The following STX18 variants were observed in gnomAD, a reference collection of about 807,000 sequenced individuals.
The protein encoded by STX18 is syntaxin 18, also known as syntaxin-18.
Under a neutral mutation model 50.1 loss-of-function variants are expected in STX18, and 40 were observed. The ratio of observed to expected loss-of-function variants is 0.80; its 90% CI spans 0.62 to 1.04. The LOEUF (loss-of-function observed/expected upper bound fraction) is 1.04, where lower values mean the gene tolerates loss of function less well. STX18 is among the 50% of genes least tolerant of loss of function. The pLI, the probability that STX18 is intolerant of heterozygous loss-of-function variation, is 0.00. For missense variants in STX18, 410 were observed against 415.8 expected (o/e 0.99, Z 0.12); for synonymous variants, 158 against 151.8 (o/e 1.04, Z -0.30).
At chr4:4,510,379 T>C (rs1729940483) in intron 1 of STX18, among the ~76,000 whole-genome samples, 1 of 152,206 alleles carries the variant, frequency 6.6e-6, no homozygotes, top group African/African-American at 2.4e-5. Context: ...TTAATCTAGG[T>C]GATTAACTGC....
intron 5 of STX18, among the ~76,000 whole-genome samples, chr4:4,448,147 C>A (rs1726531285): frequency 6.6e-6 from 1 of 152,138 alleles, no homozygotes; most frequent in Non-Finnish European, 1.5e-5. Context: ...TGACCTGATG[C>A]CCTCCCACGC....
At chr4:4,529,166 A>G (rs1028323002) in intron 1 of STX18, among the ~76,000 whole-genome samples, 1 of 152,136 alleles carries the variant, frequency 6.6e-6, no homozygotes, top group Non-Finnish European at 1.5e-5. Context: ...GATCGAGACT[A>G]TCCTGGCTAA....
chr4:4,437,746 T>C, intron 6 of STX18: 1 of 424,998 alleles, frequency 2.4e-6, no homozygotes, highest in Non-Finnish European at 3.1e-6. Flanking sequence ...TGCTCCACTC[T>C]GCCTTTGAGA....
intron 1 of STX18, among the ~76,000 whole-genome samples, chr4:4,504,940 C>A (rs1729630043): frequency 6.6e-6 from 1 of 152,118 alleles, no homozygotes; most frequent in Non-Finnish European, 1.5e-5. Flanking sequence ...ATTCACATAG[C>A]AAACAATTCA....
At chr4:4,441,342 A>G (rs191837321) in intron 5 of STX18, among the ~76,000 whole-genome samples, 1 of 152,334 alleles carries the variant, frequency 6.6e-6, no homozygotes, top group East Asian at 1.9e-4. Flanking sequence ...TTCTTTGGAA[A>G]ATATAATCTG....
At chr4:4,483,584 G>A (rs1728559005) in intron 1 of STX18, among the ~76,000 whole-genome samples, 1 of 152,054 alleles carries the variant, frequency 6.6e-6, no homozygotes, top group South Asian at 2.1e-4. Flanking sequence ...TCCACTCCCG[G>A]TTTACCTGAC....
intron 1 of STX18, among the ~76,000 whole-genome samples, chr4:4,504,371 A>AATTCATTC (rs1172034822): frequency 6.6e-6 from 1 of 152,276 alleles, no homozygotes; most frequent in East Asian, 1.9e-4. Flanking sequence ...AAAAACAGGG[A>AATTCATTC]ATTCATTCAT....
At chr4:4,516,277 A>G (rs1441310940) in intron 1 of STX18, among the ~76,000 whole-genome samples, 1 of 152,182 alleles carries the variant, frequency 6.6e-6, no homozygotes, top group African/African-American at 2.4e-5. Context: ...ATGTACTTTC[A>G]TCTGTTAAAT....
intron 1 of STX18, among the ~76,000 whole-genome samples, chr4:4,540,710 A>G (rs1731546315): frequency 6.6e-6 from 1 of 152,210 alleles, no homozygotes; most frequent in African/African-American, 2.4e-5. Context: ...GGTGCTTCAT[A>G]GACGGTCATC....
intron 7 of STX18, chr4:4,425,975 C>A (rs1725224749): frequency 6.6e-6 from 1 of 152,338 alleles, no homozygotes; most frequent in Non-Finnish European, 1.5e-5. Context: ...TCACTGCAGG[C>A]CCCCACAGCC....
intron 2 of STX18, among the ~76,000 whole-genome samples, chr4:4,463,912 T>A (rs1048417821): frequency 2.0e-5 from 3 of 152,326 alleles, no homozygotes; most frequent in East Asian, 1.9e-4. Flanking sequence ...TGCCTATGGA[T>A]GTTAAGTGCA....
intron 5 of STX18, among the ~76,000 whole-genome samples, chr4:4,445,423 AC>A (rs1271978040): frequency 1.3e-5 from 2 of 152,202 alleles, no homozygotes; most frequent in East Asian, 1.9e-4. Flanking sequence ...AACAACAAAA[AC>A]AAAAAACAAA....
chr4:4,438,807 C>T (rs1014656087), intron 5 of STX18, among the ~76,000 whole-genome samples: 1 of 151,962 alleles, frequency 6.6e-6, no homozygotes, highest in Non-Finnish European at 1.5e-5. Flanking sequence ...CATAGACTGA[C>T]ACACCGCACT....
rs189964686 is a variant in STX18, at chr4:4,518,113, G to A, written c.168+23684C>T. On this transcript the variant is annotated intron_variant, in intron 1 of 10. Coordinates refer to ENST00000306200, the MANE Select transcript of STX18 (RefSeq NM_016930.4). ...AAAATGTTGCAAATATAATGATCTC[G>A]CATGTGCTAAGGAAGTGGCTTTAAA... 1.4e-3 allele frequency among the ~76,000 whole-genome samples: 218 copies of A among 152,236 alleles called. 1 individual carries two copies. The highest frequency in any genetic ancestry group is 5.1e-3 in the African/African-American group (211 of 41,542).
chr4:4,482,587 C>A (rs1379237010), intron 1 of STX18, among the ~76,000 whole-genome samples: 1 of 152,236 alleles, frequency 6.6e-6, no homozygotes, highest in Non-Finnish European at 1.5e-5. Context: ...AAGGAGCCAG[C>A]TCCATCTACC....
intron 1 of STX18, among the ~76,000 whole-genome samples, chr4:4,514,795 G>C (rs905916508): frequency 2.0e-5 from 3 of 151,974 alleles, no homozygotes; most frequent in African/African-American, 7.2e-5. Context: ...AAAAAGACTA[G>C]AGAATTCTTT....
intron 1 of STX18, among the ~76,000 whole-genome samples, chr4:4,479,866 A>T (rs1728372177): frequency 6.6e-6 from 1 of 152,172 alleles, no homozygotes; most frequent in Admixed American, 6.5e-5. Context: ...ACAAAACAAC[A>T]CAGCATCCCA....
chr4:4,420,808 C>T lies in STX18; in HGVS notation c.912+56G>A. 1 of 1,504,642 alleles carries T rather than the reference C, an allele frequency of 6.6e-7. No individual in the cohort carries two copies. Among genetic ancestry groups the T allele is most frequent in the Non-Finnish European group, 9.2e-7 (1 of 1,081,402 alleles). The allele number at this position is 1,504,642 out of a possible 1,614,324, so 93.2% of individuals were successfully genotyped here. ...GCTGTGCCGGCGAGACTAACACCCG[C>T]TGCTGGGACTCAGTGCTGCGCCACG... is the stretch of plus-strand genomic sequence containing the variant. On this transcript the variant is annotated intron_variant, in intron 10 of 10. Transcript: ENST00000306200. This position sits in a 1 kb window ranked among gnomAD's most constrained non-coding sequence, Gnocchi z 4.3.
chr4:4,500,758 A>G (rs1002294706), intron 1 of STX18, among the ~76,000 whole-genome samples: 3 of 152,232 alleles, frequency 2.0e-5, no homozygotes, highest in African/African-American at 7.2e-5. Context: ...TAATTTGGCC[A>G]GGCACGGTGG....
Sources: gnomAD v4.1 joint callset for allele counts (sites outside exome capture counted in the v4.1 genomes callset) on GRCh38, gnomAD v4.1.1 for gene constraint, Gnocchi (gnomAD v3.1) non-coding constraint, MANE v1.5 for transcripts, NCBI Gene and HGNC (gene_info 2026-07-23, HGNC 2026-07-21) for gene names.